Variants in GTF2E2 observed in about 807,000 individuals in gnomAD.
The protein encoded by GTF2E2 is general transcription factor IIE subunit 2.
In GTF2E2, 21 loss-of-function variants were observed where a neutral mutation model predicts 40.5. That is an observed-to-expected ratio of 0.52 (90% CI 0.37 to 0.75). GTF2E2 has a LOEUF of 0.75. GTF2E2 is among the 30% of genes least tolerant of loss of function. The pLI is 0.00. For synonymous variants in GTF2E2, 117 were observed against 121.6 expected, an observed-to-expected ratio of 0.96 and a Z score of 0.25; for missense variants, 298 against 338.4, an observed-to-expected ratio of 0.88 and a Z score of 0.94.
intron 3 of GTF2E2, among the ~76,000 whole-genome samples, chr8:30,615,040 G>C (rs1003223483): frequency 6.6e-6 from 1 of 151,746 alleles, no homozygotes; most frequent in Non-Finnish European, 1.5e-5. Context: ...CACTCTGGGG[G>C]ACTAAGGCAG....
chr8:30,596,431 A>C (rs1326754247), intron 6 of GTF2E2, among the ~76,000 whole-genome samples: 2 of 152,122 alleles, frequency 1.3e-5, no homozygotes, highest in Non-Finnish European at 1.5e-5. Context: ...TGTCATTTTC[A>C]TTTTTAGCAT....
chr8:30,586,564 C>CA (rs1262982739), intron 6 of GTF2E2, among the ~76,000 whole-genome samples: 1 of 151,970 alleles, frequency 6.6e-6, no homozygotes, highest in Non-Finnish European at 1.5e-5. Flanking sequence ...TGGAAACACA[C>CA]AAAAAAACTG....
chr8:30,596,918 G>C (rs1829025608), intron 6 of GTF2E2: 1 of 152,278 alleles, frequency 6.6e-6, no homozygotes, highest in African/African-American at 2.4e-5. Flanking sequence ...TGGCTGGTTT[G>C]CCAGAGGATG....
chr8:30,606,316 C>T (rs1033501006), intron 6 of GTF2E2, among the ~76,000 whole-genome samples: 1 of 152,156 alleles, frequency 6.6e-6, no homozygotes, highest in African/African-American at 2.4e-5. Context: ...GCCTGGATAT[C>T]TATAGACAGA....
intron 3 of GTF2E2, among the ~76,000 whole-genome samples, chr8:30,615,789 A>T (rs1217813193): frequency 6.6e-6 from 1 of 152,170 alleles, no homozygotes; most frequent in Non-Finnish European, 1.5e-5. Context: ...ACACACTCTT[A>T]CCATTTGATC....
At chr8:30,630,620 C>T (rs949559015) in intron 3 of GTF2E2, among the ~76,000 whole-genome samples, 3 of 152,018 alleles carry the variant, frequency 2.0e-5, no homozygotes, top group East Asian at 1.9e-4. Flanking sequence ...CACCTCCCCC[C>T]GCCATGAAAA....
chr8:30,642,296 CA>C (rs33951211), intron 2 of GTF2E2, among the ~76,000 whole-genome samples: 36 of 129,842 alleles, frequency 2.8e-4, no homozygotes, highest in Admixed American at 6.4e-4. Flanking sequence ...GGAGAAAAGC[CA>C]AAAAAAAAAA....
chr8:30,654,185 T>G (rs1005187917), intron 1 of GTF2E2, among the ~76,000 whole-genome samples: 5 of 152,066 alleles, frequency 3.3e-5, no homozygotes, highest in Non-Finnish European at 5.9e-5. Context: ...TAGCCACATG[T>G]GCCTATTAAA....
chr8:30,580,014 G>A (rs1828467569), intron 7 of GTF2E2, among the ~76,000 whole-genome samples: 1 of 152,180 alleles, frequency 6.6e-6, no homozygotes, highest in South Asian at 2.1e-4. Flanking sequence ...GGAGAGTGGG[G>A]AACACACAGG....
intron 4 of GTF2E2, among the ~76,000 whole-genome samples, chr8:30,613,536 A>G (rs1800803657): frequency 6.6e-6 from 1 of 152,248 alleles, no homozygotes; most frequent in Admixed American, 6.5e-5. Flanking sequence ...AGAATAGAAT[A>G]GTAAAATGAT....
At chr8:30,644,707 G>A (rs1801997147) in intron 2 of GTF2E2, 1 of 151,992 alleles carries the variant, frequency 6.6e-6, no homozygotes, top group African/African-American at 2.4e-5. Flanking sequence ...AACCAATTCA[G>A]CTGCCTTTTC....
chr8:30,617,728 G>A (rs1800961292), intron 3 of GTF2E2, among the ~76,000 whole-genome samples: 1 of 151,174 alleles, frequency 6.6e-6, no homozygotes, highest in South Asian at 2.1e-4. Context: ...ATCCAGCCTG[G>A]GTGACAGAAC....
At chr8:30,583,606 C>T (rs189378115) in intron 6 of GTF2E2, among the ~76,000 whole-genome samples, 140 of 152,140 alleles carry the variant, frequency 9.2e-4, no homozygotes, top group African/African-American at 3.2e-3. Context: ...TCTCGAACGT[C>T]TAGACTCAAG....
intron 7 of GTF2E2, among the ~76,000 whole-genome samples, chr8:30,579,312 G>A (rs1027711559): frequency 5.3e-5 from 8 of 152,268 alleles, no homozygotes; most frequent in East Asian, 1.9e-4. Context: ...CAAAAGGGAC[G>A]ATGAAGCCCT....
chr8:30,595,598 G>C (rs1255364733), intron 6 of GTF2E2, among the ~76,000 whole-genome samples: 1 of 152,190 alleles, frequency 6.6e-6, no homozygotes, highest in Admixed American at 6.5e-5. Flanking sequence ...GGGAGGCTGA[G>C]AAGGGCAGAC....
chr8:30,582,195 G>C (rs564385527), intron 6 of GTF2E2, among the ~76,000 whole-genome samples: 52 of 152,124 alleles, frequency 3.4e-4, no homozygotes, highest in Admixed American at 5.9e-4. Flanking sequence ...CTGGGGGGGT[G>C]GGGGGTTGTG....
chr8:30,608,082 G>C (rs1263586890), intron 5 of GTF2E2, among the ~76,000 whole-genome samples: 1 of 152,170 alleles, frequency 6.6e-6, no homozygotes, highest in Admixed American at 6.6e-5. Context: ...CTACCCTTGA[G>C]AGCAAAGACA....
Position 30,613,934 on chromosome 8 carries a change from T to C in GTF2E2, c.366+674A>G, listed in dbSNP as rs1235267654. Among the ~76,000 whole-genome samples the C allele has an allele frequency of 2.0e-5, 3 of 152,348 alleles. No individual in the cohort carries two copies. The East Asian group carries it at 5.8e-4, about 29-fold the overall frequency. ...TTCATACACAGCATTCGCGACTTTT[T>C]TTCCACATCAAGCCATAATAGCAGT... On this transcript the variant is annotated intron_variant, in intron 4 of 7. Transcript: ENST00000355904.
intron 1 of GTF2E2, among the ~76,000 whole-genome samples, chr8:30,657,303 C>A (rs1802478261): frequency 6.6e-6 from 1 of 152,154 alleles, no homozygotes; most frequent in Non-Finnish European, 1.5e-5. Context: ...CCTCCGTGGG[C>A]AGACACGGAA....
Sources: allele counts gnomAD v4.1 joint callset (sites outside exome capture counted in the v4.1 genomes callset), GRCh38; gene constraint gnomAD v4.1.1; transcripts MANE v1.5; gene names NCBI Gene and HGNC (gene_info 2026-07-23, HGNC 2026-07-21).